Variants in CDH13 observed in about 807,000 individuals in gnomAD.
The protein encoded by CDH13 is cadherin 13, also known as cadherin-13.
Under a neutral mutation model 63.8 loss-of-function variants are expected in CDH13, and 24 were observed. That is an observed-to-expected ratio of 0.38 (90% CI 0.27 to 0.53). The LOEUF (loss-of-function observed/expected upper bound fraction) is 0.53, where lower values mean the gene tolerates loss of function less well. Ranked by LOEUF, CDH13 falls within the 20% of genes least tolerant of loss-of-function variation. The probability of loss-of-function intolerance (pLI) is 0.85; values close to 1 mark genes in which losing one functional copy is unlikely to be tolerated. For missense variants in CDH13, 1,049 were observed against 903.1 expected (o/e 1.16, Z -2.07); for synonymous variants, 503 against 355.3 (o/e 1.42, Z -4.67).
At chr16:82,802,854 C>A (rs554224634) in intron 1 of CDH13, among the ~76,000 whole-genome samples, 1 of 152,212 alleles carries the variant, frequency 6.6e-6, no homozygotes, top group Non-Finnish European at 1.5e-5. Flanking sequence ...CCAACAGTCA[C>A]AAAGGACTCT....
In CDH13 at chr16:83,232,227, T is replaced by TTTTTA. The variant is rs3049884; in HGVS notation, c.636+14730_636+14731insTTTTA. 9.3e-3 allele frequency among the ~76,000 whole-genome samples: 627 copies of TTTTTA among 67,692 alleles called. 5 individuals are homozygous for TTTTTA. Among genetic ancestry groups the TTTTTA allele is most frequent in the East Asian group, 0.033 (59 of 1,764 alleles). The allele number at this position is 67,692 out of a possible 152,430, so 44.4% of individuals were successfully genotyped here. A position where few individuals can be genotyped will look rare whatever the true frequency, so the allele number is the denominator to read the frequency against. ...GTGTTTTCTTTTTTTTTTTTTTTTT[T>TTTTTA]AAAAAAAAAAAAAAAGGCTGGGCAC... On this transcript the variant is annotated intron_variant, in intron 5 of 13. Transcript: ENST00000567109.
intron 2 of CDH13, among the ~76,000 whole-genome samples, chr16:82,959,406 G>A (rs1270390207): frequency 1.3e-5 from 2 of 152,136 alleles, no homozygotes; most frequent in South Asian, 2.1e-4. Context: ...GACAAAATTT[G>A]TGGCTTAAAG....
chr16:82,886,161 T>G (rs1371222932), intron 2 of CDH13, among the ~76,000 whole-genome samples: 1 of 152,256 alleles, frequency 6.6e-6, no homozygotes, highest in East Asian at 1.9e-4. Flanking sequence ...TACAAATATT[T>G]ATAATCAAAC....
At chr16:82,967,329 A>G (rs993051148) in intron 2 of CDH13, among the ~76,000 whole-genome samples, 4 of 151,980 alleles carry the variant, frequency 2.6e-5, no homozygotes, top group African/African-American at 9.7e-5. Flanking sequence ...TATAGCTCTA[A>G]TCACAACTTG....
intron 1 of CDH13, among the ~76,000 whole-genome samples, chr16:82,663,068 C>A (rs955691463): frequency 6.6e-6 from 1 of 152,242 alleles, no homozygotes; most frequent in African/African-American, 2.4e-5. Flanking sequence ...GGGGCATCCT[C>A]CCCCTGCCAG....
At chr16:82,959,387 A>C (rs565549418) in intron 2 of CDH13, among the ~76,000 whole-genome samples, 12 of 152,286 alleles carry the variant, frequency 7.9e-5, no homozygotes, top group African/African-American at 2.9e-4. Context: ...TTCTTCTGTA[A>C]AAATTTATGA....
rs2151026824 is a variant in CDH13, at chr16:83,798,940, T to C, written c.*3910T>C. 1 of 152,224 alleles carries C rather than the reference T, an allele frequency of 6.6e-6. No individual in the cohort carries two copies. The highest frequency in any genetic ancestry group is 1.9e-4 in the East Asian group (1 of 5,176). 9.4% of individuals were successfully genotyped at this position (152,224 alleles called of 1,614,324 possible). A position where few individuals can be genotyped will look rare whatever the true frequency, so the allele number is the denominator to read the frequency against. On this transcript the variant is annotated 3_prime_UTR_variant, in exon 14 of 14. Transcript: ENST00000567109. ...GAAATTTTTCCTGTGCAAGATAACG[T>C]AATTATTTGCCCCTTCCCTTCCATG...
chr16:82,761,026 T>C (rs1320707460), intron 1 of CDH13, among the ~76,000 whole-genome samples: 1,029 of 86,032 alleles, frequency 0.012, 33 homozygotes, highest in Non-Finnish European at 0.017. Context: ...TCTTTTTTTT[T>C]TTTTTTTTTT....
chr16:83,350,432 G>A (rs1383440739), intron 6 of CDH13, among the ~76,000 whole-genome samples: 3 of 152,202 alleles, frequency 2.0e-5, no homozygotes, highest in Non-Finnish European at 4.4e-5. Context: ...CATTGCTTAG[G>A]CATGTCTGAT....
intron 1 of CDH13, among the ~76,000 whole-genome samples, chr16:82,696,090 A>T (rs530565236): frequency 6.6e-6 from 1 of 152,302 alleles, no homozygotes; most frequent in South Asian, 2.1e-4. Flanking sequence ...GACCAGGGAA[A>T]GCCCCTAGAT....
At chr16:82,979,448 C>T (rs1327054720) in intron 2 of CDH13, among the ~76,000 whole-genome samples, 8 of 151,990 alleles carry the variant, frequency 5.3e-5, no homozygotes, top group Non-Finnish European at 1.0e-4. Context: ...GTGGGAGGGA[C>T]GTGGGGGGAG....
Position 83,040,307 on chromosome 16 carries a change from AT to A in CDH13, c.366+8091del, listed in dbSNP as rs1224163994. On this transcript the variant is annotated intron_variant, in intron 3 of 13. Coordinates refer to ENST00000567109, the MANE Select transcript of CDH13 (RefSeq NM_001257.5). The stretch of plus-strand genomic sequence containing the variant: ...TAGATGAATATATGAAGGGGAGTTT[AT>A]TAGGAGAATTGACTCACATCATCAC... 3.3e-5 allele frequency among the ~76,000 whole-genome samples: 5 copies of A among 152,308 alleles called. No individual in the cohort carries two copies. In the East Asian group the frequency reaches 9.7e-4, roughly 30 times the overall value.
chr16:82,906,266 C>T (rs952894073), intron 2 of CDH13, among the ~76,000 whole-genome samples: 2 of 152,170 alleles, frequency 1.3e-5, no homozygotes, highest in Non-Finnish European at 2.9e-5. Flanking sequence ...ATAATCTCCC[C>T]ACTAAGCTTA....
intron 6 of CDH13, among the ~76,000 whole-genome samples, chr16:83,362,715 G>C (rs1286281419): frequency 1.3e-5 from 2 of 152,196 alleles, no homozygotes; most frequent in African/African-American, 4.8e-5. Context: ...CATTTCCTCT[G>C]TCTCATTGTG....
At chr16:83,098,903 G>T (rs1400628031) in intron 3 of CDH13, among the ~76,000 whole-genome samples, 1 of 152,170 alleles carries the variant, frequency 6.6e-6, no homozygotes, top group African/African-American at 2.4e-5. Flanking sequence ...TTAATTGTGA[G>T]ACTGGTTGTT....
chr16:82,918,084 C>A (rs550327115), intron 2 of CDH13, among the ~76,000 whole-genome samples: 189 of 152,282 alleles, frequency 1.2e-3, no homozygotes, highest in African/African-American at 4.4e-3. Context: ...CACAAACCTG[C>A]TGCGAGGCAG....
intron 3 of CDH13, among the ~76,000 whole-genome samples, chr16:83,033,304 G>A (rs956413233): frequency 2.0e-5 from 3 of 151,212 alleles, no homozygotes; most frequent in African/African-American, 7.3e-5. Context: ...TTACGGTTCT[G>A]TATATATATA....
intron 1 of CDH13, among the ~76,000 whole-genome samples, chr16:82,701,968 T>C (rs890792384): frequency 6.6e-6 from 1 of 152,180 alleles, no homozygotes; most frequent in East Asian, 1.9e-4. Context: ...AGGGCTGTTC[T>C]TGGAGCAAGG....
rs146948290 is a variant in CDH13 at position 82,975,276 on chromosome 16, A to G, written c.158-56734A>G. 3.3e-4 allele frequency among the ~76,000 whole-genome samples: 51 copies of G among 152,316 alleles called. No individual in the cohort carries two copies. In the East Asian group the frequency reaches 8.1e-3, roughly 24 times the overall value. On this transcript the variant is annotated intron_variant, in intron 2 of 13. Coordinates refer to ENST00000567109, the MANE Select transcript of CDH13 (RefSeq NM_001257.5). ...AGAGATAAGGCTCCCAAGGGGCTACATGGAGAGTAAGTGGAGACAAAACCC... is the reference window on the plus strand; with the variant it reads ...AGAGATAAGGCTCCCAAGGGGCTACGTGGAGAGTAAGTGGAGACAAAACCC...
Sources: gnomAD v4.1 joint callset for allele counts (sites outside exome capture counted in the v4.1 genomes callset) on GRCh38, gnomAD v4.1.1 for gene constraint, MANE v1.5 for transcripts, NCBI Gene and HGNC (gene_info 2026-07-23, HGNC 2026-07-21) for gene names.